The following MDGA2 variants were observed in gnomAD, a reference collection of about 807,000 sequenced individuals.
MDGA2 encodes the protein MAM domain-containing glycosylphosphatidylinositol anchor protein 2.
In MDGA2, 40 loss-of-function variants were observed where a neutral mutation model predicts 117.8. The ratio of observed to expected loss-of-function variants is 0.34; its 90% CI spans 0.26 to 0.44. The LOEUF (loss-of-function observed/expected upper bound fraction) is 0.44. Ranked by LOEUF, MDGA2 falls within the 20% of genes least tolerant of loss-of-function variation. MDGA2 has a pLI of 1.00. For missense variants in MDGA2, 1,123 were observed against 1,250.6 expected (o/e 0.90, Z 1.54); for synonymous variants, 452 against 439.0 (o/e 1.03, Z -0.37).
intron 4 of MDGA2, among the ~76,000 whole-genome samples, chr14:47,132,902 G>A (rs1462554313): frequency 6.6e-6 from 1 of 151,714 alleles, no homozygotes; most frequent in Non-Finnish European, 1.5e-5. Context: ...TGTTATAGAG[G>A]AGGACTGGAA....
At chr14:47,514,181 A>C (rs1894703531) in intron 1 of MDGA2, among the ~76,000 whole-genome samples, 1 of 152,194 alleles carries the variant, frequency 6.6e-6, no homozygotes, top group East Asian at 1.9e-4. Flanking sequence ...GACTTACTAC[A>C]ATTACTAGCT....
chr14:46,977,342 C>T (rs1048634227), intron 8 of MDGA2, among the ~76,000 whole-genome samples: 17 of 151,240 alleles, frequency 1.1e-4, no homozygotes, highest in African/African-American at 2.9e-4. Context: ...GGTTAAATTT[C>T]TAATATTTTT....
intron 4 of MDGA2, among the ~76,000 whole-genome samples, chr14:47,140,525 A>G (rs973129750): frequency 6.6e-6 from 1 of 152,084 alleles, no homozygotes; most frequent in Non-Finnish European, 1.5e-5. Context: ...AACCAAATCA[A>G]CACACTTACA....
chr14:47,277,822 G>A (rs1363644196), intron 2 of MDGA2, among the ~76,000 whole-genome samples: 1 of 152,164 alleles, frequency 6.6e-6, no homozygotes, highest in African/African-American at 2.4e-5. Context: ...AAACTTGAGA[G>A]TACTTACTGA....
At chr14:47,403,456 T>C (rs1183945896) in intron 1 of MDGA2, among the ~76,000 whole-genome samples, 1 of 70,818 alleles carries the variant, frequency 1.4e-5, no homozygotes, top group Non-Finnish European at 3.6e-5. Flanking sequence ...GGTCTTCTTG[T>C]ATTTTTCCCT....
intron 15 of MDGA2, among the ~76,000 whole-genome samples, chr14:46,849,118 GA>G (rs1880959774): frequency 6.6e-6 from 1 of 151,888 alleles, no homozygotes; most frequent in African/African-American, 2.4e-5. Context: ...GTATGATAAA[GA>G]TAATTTCTAG....
chr14:47,555,215 A>G (rs1225547256), intron 1 of MDGA2, among the ~76,000 whole-genome samples: 1 of 152,190 alleles, frequency 6.6e-6, no homozygotes, highest in African/African-American at 2.4e-5. Context: ...TCGTACAACT[A>G]TCTAGCAGTA....
At chr14:47,556,251 A>G (rs1895681029) in intron 1 of MDGA2, among the ~76,000 whole-genome samples, 1 of 152,130 alleles carries the variant, frequency 6.6e-6, no homozygotes, top group Non-Finnish European at 1.5e-5. Context: ...CAAACTCCAG[A>G]CAGTGACATT....
At chr14:47,561,629 G>T (rs1895818934) in intron 1 of MDGA2, among the ~76,000 whole-genome samples, 1 of 152,146 alleles carries the variant, frequency 6.6e-6, no homozygotes, top group Admixed American at 6.5e-5. Context: ...CTTTTGGGCA[G>T]AGACCATGGG....
chr14:47,025,837 T>G (rs560581778), intron 8 of MDGA2, among the ~76,000 whole-genome samples: 1 of 152,254 alleles, frequency 6.6e-6, no homozygotes, highest in Non-Finnish European at 1.5e-5. Flanking sequence ...TTTCCTCCAC[T>G]GATTCAATTA....
intron 15 of MDGA2, among the ~76,000 whole-genome samples, chr14:46,850,373 T>A (rs1249138651): frequency 6.6e-6 from 1 of 151,812 alleles, no homozygotes; most frequent in African/African-American, 2.4e-5. Context: ...GATGGGGGAA[T>A]TAAATAATAC....
At chr14:47,175,452 T>A (rs907033582) in intron 3 of MDGA2, among the ~76,000 whole-genome samples, 3 of 148,808 alleles carry the variant, frequency 2.0e-5, no homozygotes, top group Non-Finnish European at 4.5e-5. Context: ...TTATCCACCA[T>A]GATCAAGTGG....
At chr14:47,548,621 G>T (rs945853276) in intron 1 of MDGA2, among the ~76,000 whole-genome samples, 3 of 152,084 alleles carry the variant, frequency 2.0e-5, no homozygotes, top group African/African-American at 7.2e-5. Context: ...TATTGGAGGT[G>T]TGTTTTCAAA....
intron 2 of MDGA2, among the ~76,000 whole-genome samples, chr14:47,275,190 T>C (rs768886859): frequency 6.6e-6 from 1 of 152,206 alleles, no homozygotes; most frequent in Non-Finnish European, 1.5e-5. Context: ...TAGTGGAACC[T>C]TATTCCAGAC....
chr14:46,968,374 T>C (rs1325395381), intron 8 of MDGA2, among the ~76,000 whole-genome samples: 1 of 151,714 alleles, frequency 6.6e-6, no homozygotes, highest in East Asian at 1.9e-4. Context: ...TATAACCACA[T>C]AGAATTCAGC....
intron 1 of MDGA2, among the ~76,000 whole-genome samples, chr14:47,435,095 C>A (rs1206357207): frequency 6.6e-6 from 1 of 152,060 alleles, no homozygotes; most frequent in Non-Finnish European, 1.5e-5. Context: ...GAGATCACGC[C>A]ACTGCACTAC....
At chr14:47,560,322 C>T (rs1034865780) in intron 1 of MDGA2, among the ~76,000 whole-genome samples, 5 of 151,454 alleles carry the variant, frequency 3.3e-5, no homozygotes, top group African/African-American at 1.2e-4. Flanking sequence ...CTGCCCGCCT[C>T]GGCCTCCCAA....
intron 1 of MDGA2, among the ~76,000 whole-genome samples, chr14:47,610,841 A>G (rs974692661): frequency 1.1e-4 from 17 of 152,196 alleles, no homozygotes; most frequent in Non-Finnish European, 1.2e-4. Context: ...AATTCTTCAC[A>G]GAATTAGAAA....
chr14:47,269,313 C>T (rs894857908), intron 2 of MDGA2, among the ~76,000 whole-genome samples: 21 of 152,244 alleles, frequency 1.4e-4, no homozygotes, highest in African/African-American at 4.8e-4. Context: ...TTATACCATT[C>T]TGTACGTGAA....
Sources: gnomAD v4.1 joint callset for allele counts (sites outside exome capture counted in the v4.1 genomes callset) on GRCh38, gnomAD v4.1.1 for gene constraint, MANE v1.5 for transcripts, NCBI Gene and HGNC (gene_info 2026-07-23, HGNC 2026-07-21) for gene names.